Variants in FRMPD4 observed in about 807,000 individuals in gnomAD.
The protein encoded by FRMPD4 is FERM and PDZ domain containing 4.
Under a neutral mutation model 94.1 loss-of-function variants are expected in FRMPD4, and 22 were observed. The observed-to-expected ratio is 0.23, with a 90% CI of 0.17 to 0.33. The LOEUF (loss-of-function observed/expected upper bound fraction) is 0.33, where lower values mean the gene tolerates loss of function less well. FRMPD4 is among the 10% of genes least tolerant of loss of function. FRMPD4 has a pLI of 1.00. For synonymous variants in FRMPD4, 631 were observed against 548.6 expected, an observed-to-expected ratio of 1.15 and a Z score of -2.10; for missense variants, 1,111 against 1,339.9, an observed-to-expected ratio of 0.83 and a Z score of 2.67.
chrX:12,271,890 G>A lies in FRMPD4; in HGVS notation c.41+132878G>A, dbSNP rs1414861879. Among the ~76,000 whole-genome samples, 3 of 111,981 alleles carry A rather than the reference G, an allele frequency of 2.7e-5. No individual in the cohort carries two copies. The East Asian group carries it at 8.3e-4, about 31-fold the overall frequency. On this transcript the variant is annotated intron_variant, in intron 1 of 16. Coordinates refer to ENST00000675598, the MANE Select transcript of FRMPD4 (RefSeq NM_001368397.1). ...GGTCTGCAGTTGAGTCACAGATTGTGCATTTCTTCCAATCTCCCACTGATA... is the reference window on the plus strand; with the variant it reads ...GGTCTGCAGTTGAGTCACAGATTGTACATTTCTTCCAATCTCCCACTGATA...
intron 3 of FRMPD4, among the ~76,000 whole-genome samples, chrX:11,949,181 A>T (rs957472912): frequency 8.9e-6 from 1 of 112,060 alleles, no homozygotes; most frequent in Non-Finnish European, 1.9e-5. Context: ...TCATGGTCCT[A>T]TTAATGTGGC....
chrX:12,260,944 G>T (rs2054179992), intron 1 of FRMPD4, among the ~76,000 whole-genome samples: 1 of 111,242 alleles, frequency 9.0e-6, no homozygotes, highest in Non-Finnish European at 1.9e-5. Flanking sequence ...TGCCCAAACA[G>T]CCCTCCCCTG....
At chrX:12,471,203 C>A (rs182727898) in intron 1 of FRMPD4, among the ~76,000 whole-genome samples, 8 of 111,857 alleles carry the variant, frequency 7.2e-5, no homozygotes, top group Admixed American at 5.7e-4. Flanking sequence ...CCATTTCTCA[C>A]TATGAGATGA....
At chrX:12,338,674 A>G (rs1043116590) in intron 1 of FRMPD4, among the ~76,000 whole-genome samples, 1 of 112,813 alleles carries the variant, frequency 8.9e-6, no homozygotes, top group Non-Finnish European at 1.9e-5. Context: ...CACAGCTGTC[A>G]AATACGTACT....
chrX:12,547,517 T>G (rs2058491243), intron 2 of FRMPD4, among the ~76,000 whole-genome samples: 1 of 112,278 alleles, frequency 8.9e-6, no homozygotes, highest in Non-Finnish European at 1.9e-5. Context: ...ACATAGCTAC[T>G]CCTATTCATG....
chrX:12,431,640 C>T (rs946954201), intron 1 of FRMPD4, among the ~76,000 whole-genome samples: 3 of 112,015 alleles, frequency 2.7e-5, no homozygotes, highest in East Asian at 5.6e-4. Context: ...GGAGTATTCA[C>T]GCCCTTTTCT....
chrX:12,246,268 C>T (rs1378227233), intron 1 of FRMPD4, among the ~76,000 whole-genome samples: 8 of 112,015 alleles, frequency 7.1e-5, no homozygotes, highest in Non-Finnish European at 1.3e-4. Flanking sequence ...AAATGAGATC[C>T]GTCCTTCCAT....
chrX:12,184,464 A>G (rs1714780202), intron 1 of FRMPD4, among the ~76,000 whole-genome samples: 1 of 111,974 alleles, frequency 8.9e-6, no homozygotes, highest in African/African-American at 3.2e-5. Context: ...ACAAATTGCA[A>G]TCTAAGCTAC....
At chrX:12,255,529 T>C (rs933382306) in intron 1 of FRMPD4, among the ~76,000 whole-genome samples, 14 of 112,074 alleles carry the variant, frequency 1.2e-4, no homozygotes, top group Non-Finnish European at 1.3e-4. Flanking sequence ...TTATGAAGCA[T>C]TGTGTTTCTG....
chrX:12,053,958 CTG>C (rs1466594950), intron 3 of FRMPD4, among the ~76,000 whole-genome samples: 1 of 111,603 alleles, frequency 9.0e-6, no homozygotes, highest in Non-Finnish European at 1.9e-5. Context: ...TGGTAATAAA[CTG>C]GGGAAATTTA....
intron 1 of FRMPD4, among the ~76,000 whole-genome samples, chrX:12,455,104 C>T (rs1024893114): frequency 6.3e-5 from 7 of 110,796 alleles, no homozygotes; most frequent in Admixed American, 9.6e-5. Context: ...TATCATGTGA[C>T]GCTGGGTGAA....
chrX:12,348,595 A>G (rs1050656668), intron 1 of FRMPD4, among the ~76,000 whole-genome samples: 3 of 109,647 alleles, frequency 2.7e-5, no homozygotes, highest in African/African-American at 1.0e-4. Flanking sequence ...CCAGGAAAAA[A>G]AAAAAAAAAA....
chrX:12,461,634 C>T (rs1197179592), intron 1 of FRMPD4, among the ~76,000 whole-genome samples: 4 of 111,882 alleles, frequency 3.6e-5, no homozygotes, highest in Admixed American at 9.5e-5. Flanking sequence ...AGCTATTCCA[C>T]CTGCCAGCCC....
At chrX:11,974,391 C>T (rs761981145) in intron 3 of FRMPD4, among the ~76,000 whole-genome samples, 3 of 112,097 alleles carry the variant, frequency 2.7e-5, no homozygotes, top group Non-Finnish European at 5.6e-5. Context: ...TGTTTCCTTT[C>T]ACCTTCTGCC....
At chrX:11,964,362 G>A (rs750885988) in intron 3 of FRMPD4, among the ~76,000 whole-genome samples, 2 of 110,703 alleles carry the variant, frequency 1.8e-5, no homozygotes, top group Non-Finnish European at 3.8e-5. Flanking sequence ...GGGTTTCACC[G>A]TGTTAGCCAG....
chrX:12,543,599 G>T, intron 2 of FRMPD4, among the ~76,000 whole-genome samples: 1 of 112,156 alleles, frequency 8.9e-6, no homozygotes, highest in East Asian at 2.8e-4. Context: ...AGGTGCTGGA[G>T]AGGATGTAGA....
chrX:12,672,670 A>C (rs909035826), intron 4 of FRMPD4, among the ~76,000 whole-genome samples: 1 of 111,683 alleles, frequency 9.0e-6, no homozygotes, highest in Non-Finnish European at 1.9e-5. Context: ...ATGTATTGGC[A>C]TGGGGCCTCA....
At chrX:12,603,696 C>T (rs1333539246) in intron 2 of FRMPD4, among the ~76,000 whole-genome samples, 1 of 110,606 alleles carries the variant, frequency 9.0e-6, no homozygotes, top group African/African-American at 3.3e-5. Context: ...TTGAATAGCT[C>T]ATCAGTTGTA....
chrX:12,402,736 A>G (rs1429566484), intron 1 of FRMPD4, among the ~76,000 whole-genome samples: 1 of 112,260 alleles, frequency 8.9e-6, no homozygotes, highest in Non-Finnish European at 1.9e-5. Context: ...CTAGTGCCTT[A>G]TGAAAGGGCT....
Sources: allele counts gnomAD v4.1 joint callset (sites outside exome capture counted in the v4.1 genomes callset), GRCh38; gene constraint gnomAD v4.1.1; transcripts MANE v1.5; gene names NCBI Gene and HGNC (gene_info 2026-07-23, HGNC 2026-07-21).